CELF4: variants seen among roughly 807,000 people sequenced by gnomAD.
The protein encoded by CELF4 is CUG-BP- and ETR-3-like factor 4.
A neutral mutation model predicts 59.9 loss-of-function variants in CELF4; 18 were observed. That is an observed-to-expected ratio of 0.30 (90% confidence interval 0.21 to 0.45). The LOEUF (loss-of-function observed/expected upper bound fraction) is 0.45. Among genes scored for constraint, CELF4 ranks in the 20% least tolerant of loss-of-function variants. CELF4 has a pLI of 1.00. For missense variants in CELF4, 456 were observed against 689.0 expected, an observed-to-expected ratio of 0.66 and a Z score of 3.79; for synonymous variants, 261 against 267.1, an observed-to-expected ratio of 0.98 and a Z score of 0.22.
intron 12 of CELF4, chr18:37,247,055 A>G (rs2062511927): frequency 6.6e-6 from 1 of 152,212 alleles, no homozygotes; most frequent in Admixed American, 6.5e-5. Flanking sequence ...AACTGATACA[A>G]CATCCAAGAA....
chr18:37,380,579 CATCT>C lies in CELF4; in HGVS notation c.370-58702_370-58699del, dbSNP rs1395898395. The stretch of plus-strand genomic sequence containing the variant: ...CCATTCTTCCATCCATTTATTTATC[CATCT>C]ATCCATCCATCCATTCATCCACCAT... On this transcript the variant is annotated intron_variant, in intron 2 of 12. Transcript: ENST00000420428. Among the ~76,000 whole-genome samples, 8 of 151,942 alleles carry C rather than the reference CATCT, an allele frequency of 5.3e-5. No individual in the cohort carries two copies. In the South Asian group the frequency reaches 8.3e-4, roughly 16 times the overall value.
At chr18:37,318,457 C>T (rs1044537870) in intron 3 of CELF4, among the ~76,000 whole-genome samples, 2 of 151,874 alleles carry the variant, frequency 1.3e-5, no homozygotes, top group Non-Finnish European at 2.9e-5. Context: ...CACTTCTCCC[C>T]CCTTCCCCTT....
intron 1 of CELF4, among the ~76,000 whole-genome samples, chr18:37,554,716 C>T (rs1462946717): frequency 2.0e-5 from 3 of 152,172 alleles, no homozygotes; most frequent in African/African-American, 7.2e-5. Context: ...TTCTGAGGAG[C>T]GCCCAGACAC....
intron 3 of CELF4, among the ~76,000 whole-genome samples, chr18:37,296,532 A>G (rs1387879527): frequency 6.6e-6 from 1 of 152,082 alleles, no homozygotes; most frequent in Admixed American, 6.5e-5. Context: ...CATATAATTT[A>G]TTGCCCAAAC....
chr18:37,544,452 G>A (rs886224519), intron 1 of CELF4, among the ~76,000 whole-genome samples: 6 of 152,204 alleles, frequency 3.9e-5, no homozygotes, highest in African/African-American at 7.2e-5. Context: ...GACTCTGGGA[G>A]GGGCTGGGAA....
chr18:37,514,380 G>C (rs938364400), intron 1 of CELF4, among the ~76,000 whole-genome samples: 12 of 152,180 alleles, frequency 7.9e-5, no homozygotes, highest in Admixed American at 7.9e-4. Context: ...TCATGGGTTA[G>C]GACTTCTTCA....
At chr18:37,487,783 A>T (rs560511515) in intron 1 of CELF4, among the ~76,000 whole-genome samples, 1 of 152,308 alleles carries the variant, frequency 6.6e-6, no homozygotes, top group South Asian at 2.1e-4. Flanking sequence ...GAGTAGGAGG[A>T]GGAAATGACC....
intron 3 of CELF4, among the ~76,000 whole-genome samples, chr18:37,277,605 G>T (rs1053031740): frequency 6.6e-6 from 1 of 152,162 alleles, no homozygotes; most frequent in Non-Finnish European, 1.5e-5. Context: ...GAAGAGGGCT[G>T]GGGGGAAAGA....
intron 2 of CELF4, among the ~76,000 whole-genome samples, chr18:37,365,512 G>A (rs1233586474): frequency 1.5e-5 from 2 of 130,978 alleles, no homozygotes; most frequent in Non-Finnish European, 3.2e-5. Context: ...TTGAGATGGA[G>A]TCTTGTTCTG....
chr18:37,293,964 G>GCCAACCACCTGACCCA (rs1209811135), intron 3 of CELF4, among the ~76,000 whole-genome samples: 12 of 152,112 alleles, frequency 7.9e-5, no homozygotes, highest in Non-Finnish European at 1.6e-4. Context: ...AAACCAAATA[G>GCCAACCACCTGACCCA]CCAACCACCT....
intron 1 of CELF4, among the ~76,000 whole-genome samples, chr18:37,493,561 G>A (rs556024122): frequency 2.0e-4 from 31 of 152,262 alleles, no homozygotes; most frequent in Admixed American, 7.8e-4. Flanking sequence ...GCGGGTGTGG[G>A]GGAGGTGGGC....
At chr18:37,429,998 C>T (rs926201282) in intron 2 of CELF4, among the ~76,000 whole-genome samples, 27 of 152,224 alleles carry the variant, frequency 1.8e-4, no homozygotes, top group Non-Finnish European at 2.4e-4. Flanking sequence ...CTAGTTCCTC[C>T]TACTGGCCAC....
chr18:37,346,465 T>C (rs1337367673), intron 2 of CELF4, among the ~76,000 whole-genome samples: 1 of 152,220 alleles, frequency 6.6e-6, no homozygotes, highest in African/African-American at 2.4e-5. Flanking sequence ...TTAGTCATTC[T>C]GCGACTGGGG....
chr18:37,514,516 AG>A (rs1204162089), intron 1 of CELF4, among the ~76,000 whole-genome samples: 2 of 152,154 alleles, frequency 1.3e-5, no homozygotes. Flanking sequence ...GGGAGCTCAG[AG>A]CCCCCTTGAA....
chr18:37,315,419 G>A (rs963405880), intron 3 of CELF4, among the ~76,000 whole-genome samples: 1 of 152,166 alleles, frequency 6.6e-6, no homozygotes, highest in African/African-American at 2.4e-5. Context: ...CTTCTCCCCA[G>A]CCAGCCACCT....
intron 2 of CELF4, among the ~76,000 whole-genome samples, chr18:37,470,836 C>CTGTGTGTG (rs71381583): frequency 0.011 from 988 of 93,182 alleles, 12 homozygotes; most frequent in Middle Eastern, 0.03. Flanking sequence ...CTTCATGACT[C>CTGTGTGTG]TGTGTGTGTG....
intron 1 of CELF4, among the ~76,000 whole-genome samples, chr18:37,563,717 C>A (rs2099987270): frequency 6.6e-6 from 1 of 152,160 alleles, no homozygotes; most frequent in African/African-American, 2.4e-5. Context: ...TCCATTACAG[C>A]CCCCACCCTC....
chr18:37,291,942 A>G (rs1328600870), intron 3 of CELF4, among the ~76,000 whole-genome samples: 2 of 152,110 alleles, frequency 1.3e-5, no homozygotes, highest in Non-Finnish European at 2.9e-5. Context: ...CTGAAATTCT[A>G]AACCCCAAGG....
In CELF4 at chr18:37,243,274, A is replaced by T. The variant is rs1366837944; in HGVS notation, c.*1968T>A. On this transcript the variant is annotated 3_prime_UTR_variant, in exon 13 of 13. Coordinates refer to ENST00000420428, the MANE Select transcript of CELF4 (RefSeq NM_020180.4). ...AAATGAAAAACAACAACAACAACAA[A>T]ATTGACAGAAAGAAAGGAAAGGCAG... is the stretch of plus-strand genomic sequence containing the variant. The T allele has an allele frequency of 6.6e-6, 1 of 151,040 alleles. No individual in the cohort carries two copies. The highest frequency in any genetic ancestry group is 1.5e-5 in the Non-Finnish European group (1 of 67,818). 9.4% of individuals were successfully genotyped at this position (151,040 alleles called of 1,614,324 possible).
Sources: allele counts gnomAD v4.1 joint callset (sites outside exome capture counted in the v4.1 genomes callset), GRCh38; gene constraint gnomAD v4.1.1; transcripts MANE v1.5; gene names NCBI Gene and HGNC (gene_info 2026-07-23, HGNC 2026-07-21).